Variants in ANK2 observed in about 807,000 individuals in gnomAD.
The protein encoded by ANK2 is ankyrin 2.
In ANK2, 83 loss-of-function variants were observed where a neutral mutation model predicts 360.5. The observed-to-expected ratio is 0.23, with a 90% confidence interval of 0.19 to 0.28. The LOEUF is 0.28. Among genes scored for constraint, ANK2 ranks in the 10% least tolerant of loss-of-function variants. ANK2 has a pLI of 1.00. For missense variants in ANK2, 4,201 were observed against 4,795.7 expected, an observed-to-expected ratio of 0.88 and a Z score of 3.66; for synonymous variants, 1,740 against 1,759.5, an observed-to-expected ratio of 0.99 and a Z score of 0.28.
chr4:113,336,435 A>T (rs2153962385), intron 30 of ANK2, 142 bp from the exon 31 acceptor site: 1 of 826,056 alleles, frequency 1.2e-6, no homozygotes, highest in East Asian at 2.7e-5. Flanking sequence ...TGAACTTATG[A>T]TTGCCATATT....
intron 1 of ANK2, chr4:112,827,232 G>C: frequency 9.3e-7 from 1 of 1,071,188 alleles, no homozygotes; most frequent in Non-Finnish European, 1.5e-6. Flanking sequence ...TGGAGAAGCA[G>C]AGAAAGGATT....
chr4:112,766,953 G>C, the ANK2 span, among the ~76,000 whole-genome samples: 1 of 152,124 alleles, frequency 6.6e-6, no homozygotes, highest in Non-Finnish European at 1.5e-5. Context: ...TATCACAAAA[G>C]TATCCATTCA....
intron 1 of ANK2, chr4:113,160,347 T>A (rs565081287): frequency 1.2e-5 from 5 of 421,176 alleles, no homozygotes; most frequent in South Asian, 8.6e-5. Flanking sequence ...ATTACAGGCA[T>A]GAGTCACCAC....
At chr4:112,767,082 CTT>C in the ANK2 span, among the ~76,000 whole-genome samples, 615 of 152,320 alleles carry the variant, frequency 4.0e-3, 8 homozygotes, top group South Asian at 6.0e-3. Flanking sequence ...AGCATCATCT[CTT>C]TCTTACCACA....
chr4:113,213,851 C>T (rs889238460), intron 4 of ANK2, among the ~76,000 whole-genome samples: 4 of 151,634 alleles, frequency 2.6e-5, no homozygotes, highest in South Asian at 2.1e-4. Flanking sequence ...TTCCTGTTTG[C>T]GATACTATTT....
chr4:112,843,312 C>T (rs1291304114), intron 1 of ANK2, among the ~76,000 whole-genome samples: 2 of 152,152 alleles, frequency 1.3e-5, no homozygotes, highest in African/African-American at 4.8e-5. Flanking sequence ...GCACTTCTTC[C>T]TCAACTCTTT....
At chr4:113,347,541 A>G (rs1170586290) in intron 35 of ANK2, among the ~76,000 whole-genome samples, 1 of 152,204 alleles carries the variant, frequency 6.6e-6, no homozygotes, top group Non-Finnish European at 1.5e-5. Flanking sequence ...TAACTTCATT[A>G]TTACATTTTA....
chr4:113,067,238 AC>A (rs1334379346), intron 1 of ANK2, among the ~76,000 whole-genome samples: 1 of 152,150 alleles, frequency 6.6e-6, no homozygotes, highest in Non-Finnish European at 1.5e-5. Context: ...ATGGAAATGA[AC>A]TAAGATGTAG....
intron 2 of ANK2, among the ~76,000 whole-genome samples, chr4:112,944,316 A>C (rs1331207371): frequency 6.6e-6 from 1 of 152,204 alleles, no homozygotes; most frequent in Non-Finnish European, 1.5e-5. Context: ...TTTCCAGTTA[A>C]TAAGCAGAGG....
intron 45 of ANK2, among the ~76,000 whole-genome samples, chr4:113,381,028 G>A (rs1210910622): frequency 2.0e-5 from 3 of 152,108 alleles, no homozygotes; most frequent in Non-Finnish European, 4.4e-5. Context: ...TGGCAGCCAA[G>A]GTGTTTCAAA....
chr4:112,735,753 G>C, the ANK2 span, among the ~76,000 whole-genome samples: 6 of 152,140 alleles, frequency 3.9e-5, 1 homozygote, highest in East Asian at 1.2e-3. Context: ...AGTAGTATTA[G>C]GTTTAATCAC....
chr4:112,792,697 A>G, the ANK2 span, among the ~76,000 whole-genome samples: 1 of 152,200 alleles, frequency 6.6e-6, no homozygotes. Flanking sequence ...CATCTGATAC[A>G]AGGTATGTAA....
Position 113,374,178 on chromosome 4 carries a change from C to T in ANK2, c.11859+729C>T, listed in dbSNP as rs534245993. Among the ~76,000 whole-genome samples the T allele has an allele frequency of 2.0e-5, 3 of 152,346 alleles. No homozygotes were observed. The South Asian group carries it at 6.2e-4, about 32-fold the overall frequency. ...ACCTCAAATGATCCACCCGCCTCAG[C>T]CTCCCAAAGTACTAGGATTACAGGC... On this transcript the variant is annotated intron_variant, in intron 45 of 45. Transcript: ENST00000357077.
intron 13 of ANK2, among the ~76,000 whole-genome samples, chr4:113,261,376 C>T (rs1045311238): frequency 1.3e-5 from 2 of 152,110 alleles, no homozygotes; most frequent in Non-Finnish European, 2.9e-5. Flanking sequence ...TATCTTCCTT[C>T]CCATAAGAAA....
At chr4:112,934,446 T>A (rs1423077694) in intron 2 of ANK2, among the ~76,000 whole-genome samples, 4 of 152,230 alleles carry the variant, frequency 2.6e-5, no homozygotes, top group African/African-American at 9.6e-5. Flanking sequence ...GACATTCTTT[T>A]CTTCTCCCTC....
chr4:113,240,118 C>T (rs2038959599), intron 7 of ANK2, among the ~76,000 whole-genome samples: 2 of 152,186 alleles, frequency 1.3e-5, no homozygotes, highest in East Asian at 1.9e-4. Context: ...TTAAAAAATT[C>T]ATTGATATGT....
At chr4:112,853,756 TG>T (rs1392499212) in intron 1 of ANK2, among the ~76,000 whole-genome samples, 1 of 152,230 alleles carries the variant, frequency 6.6e-6, no homozygotes, top group Non-Finnish European at 1.5e-5. Context: ...ACAAATATTT[TG>T]GACAGTTAAG....
In ANK2 at chr4:112,914,608, A is replaced by G. The variant is rs541972341; in HGVS notation, c.21+10094A>G. Reference sequence around the variant, plus strand: ...GACAGAGCAAGACTCTGTCTCAAAAAGAAAAGAAAAGAAAAGAAAAAAATA... The same window carrying G: ...GACAGAGCAAGACTCTGTCTCAAAAGGAAAAGAAAAGAAAAGAAAAAAATA... On this transcript the variant is annotated intron_variant, in intron 2 of 30. Coordinates refer to the ANK2 transcript ENST00000503271. 2.5e-4 allele frequency among the ~76,000 whole-genome samples: 38 copies of G among 152,236 alleles called. No homozygotes were observed. The Middle Eastern group carries it at 0.01, about 41-fold the overall frequency.
At chr4:112,922,903 T>C (rs184463692) in intron 2 of ANK2, among the ~76,000 whole-genome samples, 1 of 152,218 alleles carries the variant, frequency 6.6e-6, no homozygotes, top group African/African-American at 2.4e-5. Flanking sequence ...ATCTCCTCTG[T>C]TTCTATTATT....
Sources: allele counts gnomAD v4.1 joint callset (sites outside exome capture counted in the v4.1 genomes callset), GRCh38; gene constraint gnomAD v4.1.1; transcripts MANE v1.5; gene names NCBI Gene and HGNC (gene_info 2026-07-23, HGNC 2026-07-21).